Variants in ZMYND8 observed in about 807,000 individuals in gnomAD.
ZMYND8 encodes MYND-type zinc finger-containing chromatin reader ZMYND8.
ZMYND8 carries 37 observed loss-of-function variants against 140.8 expected under a neutral mutation model. That is an observed-to-expected ratio of 0.26 (90% CI 0.20 to 0.35). The LOEUF (loss-of-function observed/expected upper bound fraction) is 0.35, where lower values mean the gene tolerates loss of function less well. Ranked by LOEUF, ZMYND8 falls within the 10% of genes least tolerant of loss-of-function variation. The pLI, the probability that ZMYND8 is intolerant of heterozygous loss-of-function variation, is 1.00. For synonymous variants in ZMYND8, 592 were observed against 597.1 expected (o/e 0.99, Z 0.12); for missense variants, 1,068 against 1,570.0 (o/e 0.68, Z 5.40).
At chr20:47,301,155 C>CT (rs74178720) in intron 3 of ZMYND8, among the ~76,000 whole-genome samples, 3,206 of 133,412 alleles carry the variant, frequency 0.024, 103 homozygotes, top group East Asian at 0.13. Context: ...TTGCATAATT[C>CT]TTTTTTTTTT....
At chr20:47,222,756 T>G (rs1431997717) in intron 19 of ZMYND8, among the ~76,000 whole-genome samples, 1 of 152,184 alleles carries the variant, frequency 6.6e-6, no homozygotes, top group African/African-American at 2.4e-5. Flanking sequence ...CCCTAAAGAC[T>G]AAAGAACAGG....
At chr20:47,266,219 G>A (rs1266702761) in intron 11 of ZMYND8, among the ~76,000 whole-genome samples, 1 of 150,072 alleles carries the variant, frequency 6.7e-6, no homozygotes, top group African/African-American at 2.5e-5. Context: ...TGAATGCCAC[G>A]GCCACCCACC....
intron 7 of ZMYND8, among the ~76,000 whole-genome samples, 185 bp from the exon 8 acceptor site, chr20:47,287,469 G>A (rs563808865): frequency 7.2e-5 from 11 of 152,152 alleles, no homozygotes; most frequent in African/African-American, 1.9e-4. Context: ...CATCAATGTC[G>A]ACGACTCTTT....
intron 12 of ZMYND8, among the ~76,000 whole-genome samples, chr20:47,257,162 G>T (rs1257314686): frequency 6.6e-6 from 1 of 152,034 alleles, no homozygotes; most frequent in Admixed American, 6.6e-5. Flanking sequence ...GAGAGGAAAG[G>T]CCCCAGACAG....
At chr20:47,316,330 C>CAA (rs796788882) in intron 2 of ZMYND8, among the ~76,000 whole-genome samples, 5,114 of 93,034 alleles carry the variant, frequency 0.055, 299 homozygotes, top group African/African-American at 0.17. Flanking sequence ...GACTTTGTCT[C>CAA]AAAAAAAAAA....
chr20:47,299,045 C>G, intron 3 of ZMYND8, 98 bp from the exon 4 acceptor site: 2 of 1,140,252 alleles, frequency 1.8e-6, no homozygotes, highest in Non-Finnish European at 2.6e-6. Flanking sequence ...AAGAAAATAA[C>G]AGCATTTCAC....
chr20:47,267,765 G>A (rs1190822727), intron 11 of ZMYND8, among the ~76,000 whole-genome samples: 1 of 152,152 alleles, frequency 6.6e-6, no homozygotes, highest in Admixed American at 6.5e-5. Context: ...CTCCTGGAAT[G>A]TCCGGCCACA....
At chr20:47,300,347 C>T (rs566155717) in intron 3 of ZMYND8, among the ~76,000 whole-genome samples, 1 of 152,292 alleles carries the variant, frequency 6.6e-6, no homozygotes, top group East Asian at 1.9e-4. Flanking sequence ...TCCCTACCCT[C>T]GAATAAATCT....
chr20:47,298,125 T>G lies in ZMYND8; in HGVS notation c.453+604A>C. The G allele has an allele frequency of 2.6e-6, 1 of 383,368 alleles. No homozygotes were observed. Among genetic ancestry groups the G allele is most frequent in the Non-Finnish European group, 3.6e-6 (1 of 279,688 alleles). The allele number at this position is 383,368 out of a possible 1,614,324, so 23.7% of individuals were successfully genotyped here. On this transcript the variant is annotated intron_variant, in intron 4 of 22. Coordinates refer to ENST00000471951, the MANE Select transcript of ZMYND8 (RefSeq NM_001281775.3). This position sits in a 1 kb window ranked among gnomAD's most constrained non-coding sequence, Gnocchi z 5.0. ...CTGAATTTGTTTTCTTCACAGCACTTTTCTTTTAATTCATTATATGGAACT... is the reference window on the plus strand; with the variant it reads ...CTGAATTTGTTTTCTTCACAGCACTGTTCTTTTAATTCATTATATGGAACT...
rs2035467247 is a variant in ZMYND8, at chr20:47,212,727, T to C, written c.3485-2A>G. The C allele has an allele frequency of 4.3e-6, 7 of 1,610,126 alleles. No homozygotes were observed. Among genetic ancestry groups the C allele is most frequent in the Non-Finnish European group, 5.9e-6 (7 of 1,177,414 alleles). On this transcript the variant is annotated splice_acceptor_variant, in intron 21 of 22. Coordinates refer to ENST00000471951, the MANE Select transcript of ZMYND8 (RefSeq NM_001281775.3). LOFTEE classifies it high-confidence loss of function. ...GTTGCTTGTCACACCTTTTGCTAAC[T>C]GAAGAGATAGCACAGGTAGCCTCAG...
chr20:47,269,597 A>G (rs2075784126), intron 11 of ZMYND8, among the ~76,000 whole-genome samples: 1 of 152,260 alleles, frequency 6.6e-6, no homozygotes, highest in Non-Finnish European at 1.5e-5. Context: ...GGGCTGAAAC[A>G]CATCATTTAT....
intron 2 of ZMYND8, among the ~76,000 whole-genome samples, chr20:47,324,801 A>G (rs544164091): frequency 0.016 from 2,378 of 152,264 alleles, 68 homozygotes; most frequent in African/African-American, 0.054. Flanking sequence ...ACTGCCCTAG[A>G]GAGGCCTTCT....
intron 17 of ZMYND8, among the ~76,000 whole-genome samples, chr20:47,228,923 G>T (rs915244586): frequency 1.1e-4 from 16 of 152,110 alleles, no homozygotes; most frequent in African/African-American, 3.6e-4. Flanking sequence ...GCCCTGATAG[G>T]GAATTAGCCT....
intron 12 of ZMYND8, among the ~76,000 whole-genome samples, chr20:47,255,752 A>G (rs1397131885): frequency 1.9e-5 from 2 of 103,506 alleles, no homozygotes; most frequent in Non-Finnish European, 3.5e-5. Flanking sequence ...ATATATATAT[A>G]TATATATATA....
intron 7 of ZMYND8, 36 bp downstream of exon 7, chr20:47,290,150 AG>A: frequency 2.5e-6 from 4 of 1,587,810 alleles, no homozygotes; most frequent in Non-Finnish European, 3.4e-6. Context: ...ACACATACAC[AG>A]CATACTCTTT....
chr20:47,230,442 C>T (rs1023646848), intron 16 of ZMYND8, among the ~76,000 whole-genome samples: 2 of 152,014 alleles, frequency 1.3e-5, no homozygotes, highest in African/African-American at 4.8e-5. Context: ...AAGCGCACAC[C>T]ACCACACCCA....
chr20:47,261,237 A>T (rs2075129579), intron 12 of ZMYND8, among the ~76,000 whole-genome samples: 1 of 151,962 alleles, frequency 6.6e-6, no homozygotes, highest in Non-Finnish European at 1.5e-5. Flanking sequence ...AAATAATAAT[A>T]ATAAGGAATC....
chr20:47,298,689 G>A lies in ZMYND8; in HGVS notation c.453+40C>T. 5.1e-6 allele frequency: 8 copies of A among 1,579,252 alleles called. No homozygotes were observed. The highest frequency in any genetic ancestry group is 6.9e-6 in the Non-Finnish European group (8 of 1,160,042). ...TAAAAGGAAGAAAGAGAAAGGAGAGGAAACGAGGCAGGTAATGCATTCATT... is the reference window on the plus strand; with the variant it reads ...TAAAAGGAAGAAAGAGAAAGGAGAGAAAACGAGGCAGGTAATGCATTCATT... On this transcript the variant is annotated intron_variant, in intron 4 of 22. Transcript: ENST00000471951. This position sits in a 1 kb window ranked among gnomAD's most constrained non-coding sequence, Gnocchi z 5.0.
chr20:47,300,013 T>C (rs185050839), intron 3 of ZMYND8, among the ~76,000 whole-genome samples: 4 of 152,264 alleles, frequency 2.6e-5, no homozygotes, highest in Non-Finnish European at 4.4e-5. Context: ...TTATTTGACA[T>C]CAGCAATGGC....
Sources: gnomAD v4.1 joint callset for allele counts (sites outside exome capture counted in the v4.1 genomes callset) on GRCh38, gnomAD v4.1.1 for gene constraint, Gnocchi (gnomAD v3.1) non-coding constraint, MANE v1.5 for transcripts, NCBI Gene and HGNC (gene_info 2026-07-23, HGNC 2026-07-21) for gene names.